The following KCNQ3 variants were observed in gnomAD, a reference collection of about 807,000 sequenced individuals.
KCNQ3 encodes potassium voltage-gated channel subfamily Q member 3.
Under a neutral mutation model 92.5 loss-of-function variants are expected in KCNQ3, and 30 were observed. The observed-to-expected ratio is 0.32, with a 90% confidence interval of 0.24 to 0.44. KCNQ3 has a LOEUF of 0.44. KCNQ3 is among the 20% of genes least tolerant of loss of function. The pLI is 1.00. For synonymous variants in KCNQ3, 450 were observed against 468.8 expected, an observed-to-expected ratio of 0.96 and a Z score of 0.52; for missense variants, 913 against 1,140.3, an observed-to-expected ratio of 0.80 and a Z score of 2.87.
chr8:132,177,649 C>A (rs1023904474), intron 4 of KCNQ3, among the ~76,000 whole-genome samples: 6 of 152,168 alleles, frequency 3.9e-5, no homozygotes, highest in African/African-American at 1.4e-4. Flanking sequence ...GGGAGGAGAA[C>A]CTGACCTATC....
intron 10 of KCNQ3, chr8:132,140,437 G>A (rs1432698888): frequency 2.2e-6 from 1 of 451,128 alleles, no homozygotes; most frequent in Non-Finnish European, 4.0e-6. Context: ...CTAGCAGGGA[G>A]GAGAAGTGAG....
At chr8:132,421,199 A>T (rs1185166256) in intron 1 of KCNQ3, among the ~76,000 whole-genome samples, 3 of 152,234 alleles carry the variant, frequency 2.0e-5, no homozygotes, top group Non-Finnish European at 4.4e-5. Context: ...ATCTCTACAT[A>T]TGAATAATAT....
At chr8:132,299,408 C>G (rs184736066) in intron 1 of KCNQ3, among the ~76,000 whole-genome samples, 59 of 152,206 alleles carry the variant, frequency 3.9e-4, no homozygotes, top group East Asian at 9.6e-4. Context: ...GTTTTCAGAG[C>G]ATTTGTATTC....
intron 1 of KCNQ3, among the ~76,000 whole-genome samples, chr8:132,382,374 T>C (rs1454260040): frequency 6.6e-6 from 1 of 152,108 alleles, no homozygotes; most frequent in Non-Finnish European, 1.5e-5. Context: ...TCCTGCTCCT[T>C]CTCTCTTGCT....
chr8:132,237,350 C>T (rs1814850064), intron 1 of KCNQ3, among the ~76,000 whole-genome samples: 1 of 152,148 alleles, frequency 6.6e-6, no homozygotes, highest in Non-Finnish European at 1.5e-5. Context: ...GTTTTCAGTG[C>T]TGTGCATATA....
Position 132,238,177 on chromosome 8 carries a change from A to G in KCNQ3, c.387-51996T>C, listed in dbSNP as rs1814876114. ...TTCGGTGCACTAAATTAGGGAAGCTAAGAACAGACTCGGCGGAGGGGGTAT... is the reference window on the plus strand; with the variant it reads ...TTCGGTGCACTAAATTAGGGAAGCTGAGAACAGACTCGGCGGAGGGGGTAT... On this transcript the variant is annotated intron_variant, in intron 1 of 14. Transcript: ENST00000388996. 2.0e-5 allele frequency among the ~76,000 whole-genome samples: 3 copies of G among 152,174 alleles called. No homozygotes were observed. In the South Asian group the frequency reaches 6.2e-4, roughly 32 times the overall value.
At chr8:132,217,365 T>C (rs1814070028) in intron 1 of KCNQ3, among the ~76,000 whole-genome samples, 1 of 152,164 alleles carries the variant, frequency 6.6e-6, no homozygotes, top group Non-Finnish European at 1.5e-5. Context: ...TGGCTAGCCT[T>C]CAAAGCTGAT....
chr8:132,211,283 C>A (rs11779500), intron 1 of KCNQ3, among the ~76,000 whole-genome samples: 34,124 of 152,172 alleles, frequency 0.22, 4,093 homozygotes, highest in African/African-American at 0.31. Context: ...GAAAACTGGA[C>A]ATTGGTTAGA....
intron 1 of KCNQ3, among the ~76,000 whole-genome samples, chr8:132,282,670 A>G (rs570192857): frequency 2.6e-4 from 40 of 152,314 alleles, no homozygotes; most frequent in Non-Finnish European, 4.6e-4. Flanking sequence ...CTTCTCCCCA[A>G]GATGCCTGCC....
chr8:132,190,417 T>G (rs981125310), intron 1 of KCNQ3, among the ~76,000 whole-genome samples: 3 of 152,180 alleles, frequency 2.0e-5, no homozygotes, highest in African/African-American at 7.2e-5. Flanking sequence ...ATTGTTACAT[T>G]ATATAAGACT....
chr8:132,337,046 A>C (rs929421423), intron 1 of KCNQ3, among the ~76,000 whole-genome samples: 1 of 152,128 alleles, frequency 6.6e-6, no homozygotes, highest in Non-Finnish European at 1.5e-5. Context: ...TCCTTCTAAA[A>C]ATGTTGGGTG....
intron 9 of KCNQ3, among the ~76,000 whole-genome samples, chr8:132,141,682 C>G (rs1435589532): frequency 6.6e-6 from 1 of 152,160 alleles, no homozygotes; most frequent in Non-Finnish European, 1.5e-5. Flanking sequence ...AACTTCCTGC[C>G]TTTCCTGTGT....
rs1382293453 is a variant in KCNQ3 at position 132,397,392 on chromosome 8, C to A, written c.386+82755G>T. Among the ~76,000 whole-genome samples, 7 of 152,194 alleles carry A rather than the reference C, an allele frequency of 4.6e-5. No individual in the cohort carries two copies. The East Asian group carries it at 1.4e-3, about 29-fold the overall frequency. On this transcript the variant is annotated intron_variant, in intron 1 of 14. Transcript: ENST00000388996. ...TACTAGATTCCATTAAGGCCTTCCT[C>A]TCCCTGCCAGGGTAACCTAGACAAG... is the stretch of plus-strand genomic sequence containing the variant.
At chr8:132,180,686 G>GA (rs1826730665) in intron 3 of KCNQ3, among the ~76,000 whole-genome samples, 1 of 152,142 alleles carries the variant, frequency 6.6e-6, no homozygotes, top group Non-Finnish European at 1.5e-5. Context: ...CAGCTGCTCA[G>GA]CCTATGGAGG....
chr8:132,248,275 T>A (rs1586863012), intron 1 of KCNQ3, among the ~76,000 whole-genome samples: 1 of 151,820 alleles, frequency 6.6e-6, no homozygotes, highest in South Asian at 2.1e-4. Context: ...CAGAAAAGAA[T>A]CCAGAATCCA....
intron 1 of KCNQ3, among the ~76,000 whole-genome samples, chr8:132,357,213 C>T (rs535473458): frequency 6.6e-6 from 1 of 152,342 alleles, no homozygotes; most frequent in African/African-American, 2.4e-5. Context: ...CCTATCTTAG[C>T]TTGGGCTTCC....
At chr8:132,381,584 C>A (rs1330210345) in intron 1 of KCNQ3, among the ~76,000 whole-genome samples, 6 of 152,204 alleles carry the variant, frequency 3.9e-5, no homozygotes, top group Non-Finnish European at 4.4e-5. Flanking sequence ...ACTCTCCTAC[C>A]AGCCTACAAC....
At chr8:132,434,033 C>A (rs1313050948) in intron 1 of KCNQ3, among the ~76,000 whole-genome samples, 1 of 151,846 alleles carries the variant, frequency 6.6e-6, no homozygotes, top group Non-Finnish European at 1.5e-5. Context: ...ACGGTGAAAC[C>A]CCGTCTCTAC....
At chr8:132,380,539 G>A (rs1485171619) in intron 1 of KCNQ3, among the ~76,000 whole-genome samples, 1 of 151,994 alleles carries the variant, frequency 6.6e-6, no homozygotes, top group Non-Finnish European at 1.5e-5. Context: ...CAGAAAGGGT[G>A]GGGCTGTTTT....
Sources: allele counts gnomAD v4.1 joint callset (sites outside exome capture counted in the v4.1 genomes callset), GRCh38; gene constraint gnomAD v4.1.1; transcripts MANE v1.5; gene names NCBI Gene and HGNC (gene_info 2026-07-23, HGNC 2026-07-21).